Variants in OGDH observed in about 807,000 individuals in gnomAD.
OGDH encodes the protein 2-oxoglutarate dehydrogenase complex component E1.
Under a neutral mutation model 116.6 loss-of-function variants are expected in OGDH, and 38 were observed. The observed-to-expected ratio is 0.33, with a 90% CI of 0.25 to 0.43. The LOEUF is 0.43. Ranked by LOEUF, OGDH falls within the 20% of genes least tolerant of loss-of-function variation. The pLI, the probability that OGDH is intolerant of heterozygous loss-of-function variation, is 1.00. For synonymous variants in OGDH, 488 were observed against 533.3 expected (o/e 0.92, Z 1.17); for missense variants, 825 against 1,357.2 (o/e 0.61, Z 6.16).
At chr7:44,666,535 A>G (rs1787190971) in intron 4 of OGDH, 1 of 346,786 alleles carries the variant, frequency 2.9e-6, no homozygotes, top group Non-Finnish European at 5.2e-6. Flanking sequence ...TAATAGCCTC[A>G]GCTTCTATTT....
At chr7:44,643,453 C>T (rs555001958) in intron 2 of OGDH, among the ~76,000 whole-genome samples, 52 of 152,238 alleles carry the variant, frequency 3.4e-4, no homozygotes, top group African/African-American at 1.2e-3. Flanking sequence ...CCCTCAAAAA[C>T]AGATTTCACT....
chr7:44,671,805 C>T (rs975112030), intron 5 of OGDH, among the ~76,000 whole-genome samples: 1 of 149,210 alleles, frequency 6.7e-6, no homozygotes, highest in Non-Finnish European at 1.5e-5. Flanking sequence ...CGCGGTGGCT[C>T]ACGCCTGTAA....
At chr7:44,648,878 T>C (rs1411807253) in intron 4 of OGDH, among the ~76,000 whole-genome samples, 6 of 152,104 alleles carry the variant, frequency 3.9e-5, no homozygotes, top group Non-Finnish European at 8.8e-5. Context: ...TGGGCATGAG[T>C]TGAACCCTGC....
At position 44,694,724 on chromosome 7, in the gene OGDH, C is replaced by A; in HGVS notation, c.1668+148C>A. On this transcript the variant is annotated intron_variant, in intron 12 of 22. Coordinates refer to ENST00000222673, the MANE Select transcript of OGDH (RefSeq NM_002541.4). The surrounding 1 kb of genome is among the most constrained non-coding windows in gnomAD (Gnocchi z 4.2). The stretch of plus-strand genomic sequence containing the variant: ...TATTTACAACTACAGCATTTCAATG[C>A]ATAACTTTTTGGAGAATCTGGGCCA... 3.3e-6 allele frequency: 3 copies of A among 910,094 alleles called. No homozygotes were observed. Among genetic ancestry groups the A allele is most frequent in the Non-Finnish European group, 3.3e-6 (2 of 611,530 alleles). 56.4% of individuals were successfully genotyped at this position (910,094 alleles called of 1,614,324 possible).
At chr7:44,670,960 G>A (rs996571517) in intron 5 of OGDH, among the ~76,000 whole-genome samples, 6 of 143,018 alleles carry the variant, frequency 4.2e-5, no homozygotes, top group Non-Finnish European at 7.5e-5. Flanking sequence ...GCAATGAGCC[G>A]AGATCGTGCT....
In OGDH at chr7:44,707,800, C is replaced by G. The variant is rs1789151129; in HGVS notation, c.2951+64C>G. On this transcript the variant is annotated intron_variant, in intron 22 of 22. Coordinates refer to ENST00000222673, the MANE Select transcript of OGDH (RefSeq NM_002541.4). The surrounding 1 kb of genome is among the most constrained non-coding windows in gnomAD (Gnocchi z 5.2). ...TCCCCTCAGGCCAGTAGGCAGTTAG[C>G]CAGGCACATGCAGCAGAGGGATGGG... 3.1e-6 allele frequency: 5 copies of G among 1,610,390 alleles called. No individual in the cohort carries two copies. Among genetic ancestry groups the G allele is most frequent in the Non-Finnish European group, 4.2e-6 (5 of 1,177,808 alleles).
At chr7:44,642,337 T>C (rs991764116) in intron 2 of OGDH, among the ~76,000 whole-genome samples, 5 of 152,034 alleles carry the variant, frequency 3.3e-5, no homozygotes, top group Non-Finnish European at 7.4e-5. Context: ...AGCAGGAGAA[T>C]CACTTGAGCC....
chr7:44,615,032 G>T (rs1784717268), intron 1 of OGDH, among the ~76,000 whole-genome samples: 1 of 151,960 alleles, frequency 6.6e-6, no homozygotes, highest in Admixed American at 6.6e-5. Flanking sequence ...GCTTCACCAT[G>T]TTGGCCAGGC....
chr7:44,696,260 G>GCCCCC, intron 13 of OGDH, 133 bp downstream of exon 13: 1 of 1,033,408 alleles, frequency 9.7e-7, no homozygotes, highest in Non-Finnish European at 1.4e-6. Context: ...TTTCAGCAAA[G>GCCCCC]CCCCCTGCAG....
At position 44,707,393 on chromosome 7, in the gene OGDH, G is replaced by A. The variant is rs1340453342; in HGVS notation, c.2796+5G>A. ...GCCATCACAAGGATTGAGCAGGTGA[G>A]GGCAGGTGGTGCCATCAGGGTGTCC... On this transcript the variant is annotated splice_donor_5th_base_variant and intron_variant, in intron 21 of 22. Transcript: ENST00000222673. This position sits in a 1 kb window ranked among gnomAD's most constrained non-coding sequence, Gnocchi z 5.2. The A allele has an allele frequency of 6.2e-7, 1 of 1,613,994 alleles. No individual in the cohort carries two copies. Among genetic ancestry groups the A allele is most frequent in the African/African-American group, 1.3e-5 (1 of 74,958 alleles).
chr7:44,636,431 T>C (rs1443962205), intron 2 of OGDH, among the ~76,000 whole-genome samples: 2 of 152,216 alleles, frequency 1.3e-5, no homozygotes, highest in Non-Finnish European at 2.9e-5. Context: ...AGACAAGTGC[T>C]CCTTGGTTAG....
At chr7:44,626,986 T>C (rs1304774148) in intron 2 of OGDH, among the ~76,000 whole-genome samples, 1 of 152,070 alleles carries the variant, frequency 6.6e-6, no homozygotes, top group African/African-American at 2.4e-5. Flanking sequence ...GTTTTTTGTT[T>C]GTTTGTTTTT....
intron 2 of OGDH, among the ~76,000 whole-genome samples, chr7:44,637,280 C>A (rs1481836758): frequency 2.0e-5 from 3 of 152,182 alleles, no homozygotes; most frequent in Non-Finnish European, 2.9e-5. Flanking sequence ...GGGCTCAGAC[C>A]GTGGGCCCCT....
chr7:44,617,012 G>GT (rs1350546916), intron 1 of OGDH, among the ~76,000 whole-genome samples: 1 of 145,518 alleles, frequency 6.9e-6, no homozygotes, highest in African/African-American at 2.5e-5. Flanking sequence ...TCGGCTCACA[G>GT]TAACCACCTC....
At chr7:44,662,765 A>G (rs547072584) in intron 4 of OGDH, among the ~76,000 whole-genome samples, 17 of 152,112 alleles carry the variant, frequency 1.1e-4, no homozygotes, top group Admixed American at 4.6e-4. Flanking sequence ...CCCAGCCTAT[A>G]CCACTTCTTT....
At chr7:44,686,415 T>A (rs1213378107) in intron 10 of OGDH, among the ~76,000 whole-genome samples, 1 of 152,210 alleles carries the variant, frequency 6.6e-6, no homozygotes, top group South Asian at 2.1e-4. Context: ...ACCATATAGT[T>A]TGCTAATGAT....
At chr7:44,654,092 T>G (rs1018596670) in intron 4 of OGDH, among the ~76,000 whole-genome samples, 14 of 152,184 alleles carry the variant, frequency 9.2e-5, no homozygotes, top group Non-Finnish European at 2.1e-4. Flanking sequence ...TGAGCTCAAG[T>G]GATCCACCTG....
intron 2 of OGDH, among the ~76,000 whole-genome samples, chr7:44,631,413 T>C (rs868411215): frequency 6.6e-6 from 1 of 152,180 alleles, no homozygotes; most frequent in Non-Finnish European, 1.5e-5. Flanking sequence ...TTGTACCCAA[T>C]AGGCAATTTT....
In OGDH at chr7:44,696,548, A is replaced by G; in HGVS notation, c.1891A>G (p.Ile631Val). The G allele has an allele frequency of 1.9e-6, 3 of 1,614,174 alleles. No individual in the cohort carries two copies. The highest frequency in any genetic ancestry group is 2.2e-5 in the East Asian group (1 of 44,886). The change falls in exon 14 of 23, where the codon ATT becomes GTT. Residue 631 changes from isoleucine to valine, a missense_variant. This residue lies in a region of OGDH where 92 missense variants were observed against 129.7 expected (regional missense o/e 0.71). Coordinates refer to ENST00000222673, the MANE Select transcript of OGDH (RefSeq NM_002541.4). Reference sequence around the variant, plus strand: ...TTCTGTGCCTGTGGAAAACTTTACTATTCATGGAGGTAACACGCTCTGTGC... The same window carrying G: ...TTCTGTGCCTGTGGAAAACTTTACTGTTCATGGAGGTAACACGCTCTGTGC... ...ASSVPVENFT[I>V]HGGLSRILKT...
Sources: allele counts gnomAD v4.1 joint callset (sites outside exome capture counted in the v4.1 genomes callset), GRCh38; gene constraint gnomAD v4.1.1; regional missense constraint gnomAD v4.1.1; non-coding constraint Gnocchi (gnomAD v3.1); transcripts MANE v1.5; gene names NCBI Gene and HGNC (gene_info 2026-07-23, HGNC 2026-07-21).